The following SNTG1 variants were observed in gnomAD, a reference collection of about 807,000 sequenced individuals.
The protein encoded by SNTG1 is gamma-1-syntrophin.
A neutral mutation model predicts 74.7 loss-of-function variants in SNTG1; 39 were observed. That is an observed-to-expected ratio of 0.52 (90% CI 0.40 to 0.68). The LOEUF is 0.68. Among genes scored for constraint, SNTG1 ranks in the 30% least tolerant of loss-of-function variants. The pLI, the probability that SNTG1 is intolerant of heterozygous loss-of-function variation, is 0.00. For missense variants in SNTG1, 685 were observed against 609.5 expected (o/e 1.12, Z -1.30); for synonymous variants, 254 against 217.1 (o/e 1.17, Z -1.49).
intron 1 of SNTG1, among the ~76,000 whole-genome samples, chr8:50,162,363 C>A (rs1476007555): frequency 2.0e-5 from 3 of 151,910 alleles, no homozygotes; most frequent in Non-Finnish European, 4.4e-5. Context: ...GAGATGGAGA[C>A]CACCCTGGCT....
intron 2 of SNTG1, among the ~76,000 whole-genome samples, chr8:50,376,231 A>T (rs2092376944): frequency 6.6e-6 from 1 of 152,202 alleles, no homozygotes. Context: ...AACAACTGTA[A>T]CTATACAGAT....
intron 12 of SNTG1, among the ~76,000 whole-genome samples, chr8:50,577,693 T>G (rs2094585004): frequency 6.6e-6 from 1 of 152,184 alleles, no homozygotes; most frequent in South Asian, 2.1e-4. Context: ...ATGTGTCAAA[T>G]CTTAGTGTTA....
At chr8:50,109,001 A>G (rs1328857296) in intron 1 of SNTG1, among the ~76,000 whole-genome samples, 2 of 152,154 alleles carry the variant, frequency 1.3e-5, no homozygotes, top group African/African-American at 4.8e-5. Context: ...AGCATAATTG[A>G]CTTAAGGAAA....
intron 15 of SNTG1, among the ~76,000 whole-genome samples, chr8:50,668,048 T>C (rs750865623): frequency 1.3e-5 from 2 of 152,034 alleles, no homozygotes; most frequent in Non-Finnish European, 2.9e-5. Context: ...TCTATGAACA[T>C]GCCAGAGAGA....
intron 9 of SNTG1, among the ~76,000 whole-genome samples, chr8:50,524,609 G>A (rs760240978): frequency 1.8e-4 from 27 of 151,938 alleles, no homozygotes; most frequent in Middle Eastern, 3.4e-3. Flanking sequence ...TTAGCCTGCC[G>A]CAAATCAAAA....
At chr8:50,439,019 T>A (rs2093333309) in intron 5 of SNTG1, among the ~76,000 whole-genome samples, 2 of 152,174 alleles carry the variant, frequency 1.3e-5, no homozygotes. Flanking sequence ...TTTTCATTTT[T>A]AAAAAAGAAA....
chr8:50,683,164 G>A (rs1171372858), intron 15 of SNTG1, among the ~76,000 whole-genome samples: 1 of 152,156 alleles, frequency 6.6e-6, no homozygotes, highest in African/African-American at 2.4e-5. Context: ...CAGCAGGCTT[G>A]CAATCCATTT....
intron 1 of SNTG1, among the ~76,000 whole-genome samples, chr8:49,955,975 C>T (rs955408282): frequency 6.6e-6 from 1 of 152,114 alleles, no homozygotes; most frequent in African/African-American, 2.4e-5. Context: ...GTTTCTTCTG[C>T]TTTCTTTTCA....
intron 2 of SNTG1, among the ~76,000 whole-genome samples, chr8:50,201,181 A>G (rs780147871): frequency 1.1e-4 from 16 of 152,224 alleles, no homozygotes; most frequent in Non-Finnish European, 1.9e-4. Context: ...GCCCAGGATC[A>G]GACAATTAAT....
chr8:50,028,353 C>T (rs1024484913), intron 1 of SNTG1, among the ~76,000 whole-genome samples: 1 of 151,626 alleles, frequency 6.6e-6, no homozygotes, highest in African/African-American at 2.4e-5. Context: ...TCTGTTTAAC[C>T]ACTGTTTTTT....
intron 1 of SNTG1, among the ~76,000 whole-genome samples, chr8:50,096,311 T>C (rs190648196): frequency 5.0e-4 from 76 of 152,248 alleles, no homozygotes; most frequent in Non-Finnish European, 8.7e-4. Context: ...TAAATTACAA[T>C]AGTTCAAATT....
intron 8 of SNTG1, among the ~76,000 whole-genome samples, chr8:50,496,003 A>G (rs2093900716): frequency 6.6e-6 from 1 of 152,200 alleles, no homozygotes; most frequent in Non-Finnish European, 1.5e-5. Context: ...AAAAAGATAC[A>G]TTTATTTGGT....
At chr8:50,308,203 T>C (rs1563875772) in intron 2 of SNTG1, among the ~76,000 whole-genome samples, 1 of 151,868 alleles carries the variant, frequency 6.6e-6, no homozygotes, top group African/African-American at 2.4e-5. Flanking sequence ...CCCCTTTCAC[T>C]CTGGTATTAA....
At chr8:50,627,101 A>G (rs777855153) in intron 13 of SNTG1, among the ~76,000 whole-genome samples, 1 of 152,034 alleles carries the variant, frequency 6.6e-6, no homozygotes, top group African/African-American at 2.4e-5. Flanking sequence ...TCTGACTTCT[A>G]CTTTTTCTGA....
At chr8:50,125,008 C>G (rs1271123570) in intron 1 of SNTG1, among the ~76,000 whole-genome samples, 1 of 141,770 alleles carries the variant, frequency 7.1e-6, no homozygotes, top group Non-Finnish European at 1.6e-5. Flanking sequence ...AGTTACTTAT[C>G]TATGGATAAA....
intron 8 of SNTG1, among the ~76,000 whole-genome samples, chr8:50,487,449 CAAT>C (rs2093806561): frequency 1.3e-5 from 2 of 152,066 alleles, no homozygotes; most frequent in Non-Finnish European, 2.9e-5. Flanking sequence ...AAATGTCCAA[CAAT>C]GATAGACTGG....
intron 1 of SNTG1, among the ~76,000 whole-genome samples, chr8:50,129,929 C>T (rs2081265667): frequency 6.6e-6 from 1 of 152,042 alleles, no homozygotes; most frequent in Non-Finnish European, 1.5e-5. Context: ...TGAGCCACTG[C>T]ACCTTGAGCA....
At chr8:50,632,295 T>TCA (rs2095005069) in intron 13 of SNTG1, among the ~76,000 whole-genome samples, 1 of 150,160 alleles carries the variant, frequency 6.7e-6, no homozygotes, top group African/African-American at 2.4e-5. Context: ...TTTTATTTAT[T>TCA]TATTTATTTA....
chr8:50,532,454 T>TGAG (rs1373640229), intron 10 of SNTG1, among the ~76,000 whole-genome samples: 1 of 152,162 alleles, frequency 6.6e-6, no homozygotes, highest in Admixed American at 6.5e-5. Flanking sequence ...AAGAGAAGAA[T>TGAG]GAGTAGCAGC....
Sources: gnomAD v4.1 joint callset for allele counts (sites outside exome capture counted in the v4.1 genomes callset) on GRCh38, gnomAD v4.1.1 for gene constraint, MANE v1.5 for transcripts, NCBI Gene and HGNC (gene_info 2026-07-23, HGNC 2026-07-21) for gene names.